The following RAD51B variants were observed in gnomAD, a reference collection of about 807,000 sequenced individuals.
RAD51B encodes RAD51 paralog B.
In RAD51B, 38 loss-of-function variants were observed where a neutral mutation model predicts 42.2. The ratio of observed to expected loss-of-function variants is 0.90; its 90% CI spans 0.70 to 1.18. The LOEUF is 1.18. RAD51B is among the 50% of genes most tolerant of loss of function. RAD51B has a pLI of 0.00. For synonymous variants in RAD51B, 154 were observed against 145.2 expected, an observed-to-expected ratio of 1.06 and a Z score of -0.43; for missense variants, 373 against 400.7, an observed-to-expected ratio of 0.93 and a Z score of 0.59.
intron 7 of RAD51B, among the ~76,000 whole-genome samples, chr14:68,280,137 A>G (rs575864639): frequency 6.6e-6 from 1 of 152,366 alleles, no homozygotes; most frequent in African/African-American, 2.4e-5. Flanking sequence ...GACCTACTGG[A>G]GCATGGTTCC....
intron 7 of RAD51B, among the ~76,000 whole-genome samples, chr14:67,983,320 A>C (rs2075128540): frequency 6.6e-6 from 1 of 152,100 alleles, no homozygotes; most frequent in Non-Finnish European, 1.5e-5. Context: ...AAGGAAAAAA[A>C]GGAAAAAGAG....
intron 7 of RAD51B, among the ~76,000 whole-genome samples, chr14:67,918,487 G>A (rs1480728097): frequency 4.6e-5 from 7 of 152,086 alleles, no homozygotes; most frequent in African/African-American, 1.4e-4. Flanking sequence ...CATCTGCCTC[G>A]GCCTCCCAAA....
intron 10 of RAD51B, among the ~76,000 whole-genome samples, chr14:68,560,399 G>T (rs1201426471): frequency 6.6e-6 from 1 of 152,266 alleles, no homozygotes; most frequent in East Asian, 1.9e-4. Context: ...TTATTAATGA[G>T]TCTGGGGACT....
chr14:68,440,930 G>A (rs2140159393), intron 9 of RAD51B, among the ~76,000 whole-genome samples: 1 of 152,310 alleles, frequency 6.6e-6, no homozygotes, highest in South Asian at 2.1e-4. Context: ...TGTCTTGCAA[G>A]TCCACAAATG....
chr14:68,475,397 G>C (rs918606493), intron 10 of RAD51B, among the ~76,000 whole-genome samples: 5 of 152,156 alleles, frequency 3.3e-5, no homozygotes, highest in African/African-American at 1.2e-4. Flanking sequence ...CATAAATATT[G>C]TATGTATTGA....
intron 10 of RAD51B, among the ~76,000 whole-genome samples, chr14:68,579,189 G>A (rs996582128): frequency 3.9e-5 from 6 of 152,028 alleles, no homozygotes; most frequent in African/African-American, 1.5e-4. Context: ...CTGCTTCTAG[G>A]GGCCTCCCAG....
downstream of RAD51B, among the ~76,000 whole-genome samples, chr14:68,596,790 A>C (rs1035734330): frequency 6.6e-6 from 1 of 152,228 alleles, no homozygotes; most frequent in Non-Finnish European, 1.5e-5. Context: ...TCCCATCGTA[A>C]GGAAACAGCA....
At chr14:68,298,040 T>C (rs2081647887) in intron 8 of RAD51B, among the ~76,000 whole-genome samples, 1 of 152,230 alleles carries the variant, frequency 6.6e-6, no homozygotes, top group Non-Finnish European at 1.5e-5. Flanking sequence ...AGTGCTCTAC[T>C]TCCCTGGTAT....
intron 7 of RAD51B, among the ~76,000 whole-genome samples, chr14:67,921,184 T>C (rs912575324): frequency 1.2e-4 from 18 of 152,094 alleles, no homozygotes; most frequent in African/African-American, 4.3e-4. Context: ...TCAGAGTCCT[T>C]AGAGGAGGGC....
At chr14:68,318,997 C>G (rs1261299026) in intron 8 of RAD51B, among the ~76,000 whole-genome samples, 5 of 152,148 alleles carry the variant, frequency 3.3e-5, no homozygotes, top group African/African-American at 1.2e-4. Flanking sequence ...AGGGGAAGTC[C>G]CATCCCATTG....
At chr14:68,355,518 G>A (rs1235755038) in intron 8 of RAD51B, among the ~76,000 whole-genome samples, 4 of 152,122 alleles carry the variant, frequency 2.6e-5, no homozygotes, top group Admixed American at 2.6e-4. Flanking sequence ...GTTGGCCATG[G>A]TTGTCATTCT....
At chr14:68,125,348 G>A (rs1309324973) in intron 7 of RAD51B, 1 of 152,192 alleles carries the variant, frequency 6.6e-6, no homozygotes, top group East Asian at 1.9e-4. Flanking sequence ...CAGATGACTG[G>A]ACTCTGCTGG....
intron 7 of RAD51B, among the ~76,000 whole-genome samples, chr14:67,979,722 A>T (rs931659215): frequency 2.0e-5 from 3 of 152,180 alleles, no homozygotes; most frequent in Admixed American, 6.6e-5. Flanking sequence ...AAAGTTTTTT[A>T]AAAAATTGTA....
At chr14:68,421,753 C>T in intron 9 of RAD51B, 1 of 1,598,142 alleles carries the variant, frequency 6.3e-7, no homozygotes, top group Non-Finnish European at 8.5e-7. Context: ...CTTGCCATTC[C>T]TGGACCCAAA....
intron 7 of RAD51B, among the ~76,000 whole-genome samples, chr14:68,015,176 A>G (rs914771971): frequency 2.0e-5 from 3 of 152,332 alleles, no homozygotes; most frequent in South Asian, 4.1e-4. Flanking sequence ...ATGATTAAAT[A>G]TATGTAAAGT....
chr14:68,088,504 T>C (rs2077035938), intron 7 of RAD51B, among the ~76,000 whole-genome samples: 2 of 151,860 alleles, frequency 1.3e-5, no homozygotes, highest in South Asian at 4.2e-4. Context: ...TTCTTTCAGA[T>C]TATTGGAAAC....
At chr14:68,564,609 C>T (rs1889330238) in intron 10 of RAD51B, among the ~76,000 whole-genome samples, 1 of 152,160 alleles carries the variant, frequency 6.6e-6, no homozygotes, top group African/African-American at 2.4e-5. Context: ...GCACCCATAG[C>T]CTTAACCCCG....
chr14:67,831,703 A>T (rs962416747), intron 3 of RAD51B, among the ~76,000 whole-genome samples: 2 of 147,168 alleles, frequency 1.4e-5, no homozygotes, highest in Admixed American at 6.8e-5. Flanking sequence ...TGCCCAGCTA[A>T]TTTTTTTTTT....
chr14:68,373,279 C>T (rs1469713112), intron 8 of RAD51B, among the ~76,000 whole-genome samples: 1 of 152,116 alleles, frequency 6.6e-6, no homozygotes, highest in Non-Finnish European at 1.5e-5. Context: ...CTATCATTGC[C>T]ATTTTACAGA....
Sources: gnomAD v4.1 joint callset for allele counts (sites outside exome capture counted in the v4.1 genomes callset) on GRCh38, gnomAD v4.1.1 for gene constraint, MANE v1.5 for transcripts, NCBI Gene and HGNC (gene_info 2026-07-23, HGNC 2026-07-21) for gene names.